Variants in CSMD1 observed in about 807,000 individuals in gnomAD.
CSMD1 encodes CUB and Sushi multiple domains 1.
In CSMD1, 213 loss-of-function variants were observed where a neutral mutation model predicts 417.5. The observed-to-expected ratio is 0.51, with a 90% CI of 0.46 to 0.57. The LOEUF (loss-of-function observed/expected upper bound fraction) is 0.57. Among genes scored for constraint, CSMD1 ranks in the 20% least tolerant of loss-of-function variants. The probability of loss-of-function intolerance (pLI) is 0.00; values close to 1 mark genes in which losing one functional copy is unlikely to be tolerated. For synonymous variants in CSMD1, 2,862 were observed against 1,736.8 expected, an observed-to-expected ratio of 1.65 and a Z score of -16.11; for missense variants, 6,923 against 4,529.7, an observed-to-expected ratio of 1.53 and a Z score of -15.17.
intron 5 of CSMD1, among the ~76,000 whole-genome samples, chr8:3,961,614 T>C (rs755565265): frequency 2.0e-5 from 3 of 152,194 alleles, no homozygotes; most frequent in Non-Finnish European, 2.9e-5. Flanking sequence ...CAGGCACCAT[T>C]TGTAACACAA....
intron 2 of CSMD1, among the ~76,000 whole-genome samples, chr8:4,614,640 C>T (rs1302411838): frequency 6.6e-6 from 1 of 152,098 alleles, no homozygotes; most frequent in Admixed American, 6.6e-5. Context: ...CACGTACACA[C>T]ACATACAAAC....
At chr8:4,352,846 C>T (rs1176342862) in intron 3 of CSMD1, among the ~76,000 whole-genome samples, 1 of 152,122 alleles carries the variant, frequency 6.6e-6, no homozygotes, top group Non-Finnish European at 1.5e-5. Flanking sequence ...CAAGATTGGA[C>T]CTGTTTCTCT....
At chr8:3,528,576 A>G (rs532918844) in intron 10 of CSMD1, among the ~76,000 whole-genome samples, 1 of 152,364 alleles carries the variant, frequency 6.6e-6, no homozygotes, top group South Asian at 2.1e-4. Flanking sequence ...TTGGTTCAGT[A>G]AACTGTATAC....
chr8:3,794,980 T>C (rs1003152147), intron 5 of CSMD1, among the ~76,000 whole-genome samples: 5 of 124,798 alleles, frequency 4.0e-5, no homozygotes, highest in Admixed American at 8.5e-5. Context: ...GCTATAGATA[T>C]ATATCTATCT....
At chr8:4,304,496 C>T (rs867000071) in intron 3 of CSMD1, among the ~76,000 whole-genome samples, 1 of 152,140 alleles carries the variant, frequency 6.6e-6, no homozygotes, top group Non-Finnish European at 1.5e-5. Context: ...CTGACACAAA[C>T]GTAAGCCTTA....
At chr8:3,743,458 A>G (rs961668016) in intron 6 of CSMD1, among the ~76,000 whole-genome samples, 2 of 152,238 alleles carry the variant, frequency 1.3e-5, no homozygotes. Flanking sequence ...AGACTTCTGA[A>G]TAAGTAATTG....
chr8:4,826,697 C>A (rs1341257258), intron 1 of CSMD1, among the ~76,000 whole-genome samples: 1 of 152,094 alleles, frequency 6.6e-6, no homozygotes, highest in Admixed American at 6.6e-5. Flanking sequence ...AGCTCCTTTC[C>A]CTGCGCTCTG....
At chr8:3,134,686 T>G (rs928050995) in intron 41 of CSMD1, among the ~76,000 whole-genome samples, 3 of 152,316 alleles carry the variant, frequency 2.0e-5, no homozygotes, top group African/African-American at 7.2e-5. Flanking sequence ...TCCAAAGACT[T>G]CATTTCCCTT....
chr8:3,388,753 C>T (rs5026899), intron 17 of CSMD1, among the ~76,000 whole-genome samples: 65,089 of 152,080 alleles, frequency 0.43, 14,175 homozygotes, highest in Middle Eastern at 0.48. Context: ...CTTGCTGCTG[C>T]GCAGTATGGC....
At chr8:3,872,410 C>T (rs1204982322) in intron 5 of CSMD1, among the ~76,000 whole-genome samples, 1 of 152,128 alleles carries the variant, frequency 6.6e-6, no homozygotes, top group Non-Finnish European at 1.5e-5. Flanking sequence ...TTACTACCTT[C>T]CTGAAGTGTC....
chr8:4,851,234 G>T (rs963592300), intron 1 of CSMD1, among the ~76,000 whole-genome samples: 11 of 151,726 alleles, frequency 7.2e-5, no homozygotes, highest in Admixed American at 7.2e-4. Context: ...TGCTGAGAAT[G>T]ATGGTTTCCA....
intron 2 of CSMD1, among the ~76,000 whole-genome samples, chr8:4,448,056 A>ACC (rs1317463870): frequency 6.6e-6 from 1 of 152,054 alleles, no homozygotes; most frequent in African/African-American, 2.4e-5. Flanking sequence ...CTGGAATATC[A>ACC]CCCCTAAGCT....
At chr8:3,546,569 AC>A (rs1798674085) in intron 10 of CSMD1, among the ~76,000 whole-genome samples, 1 of 152,048 alleles carries the variant, frequency 6.6e-6, no homozygotes, top group African/African-American at 2.4e-5. Flanking sequence ...CTGTCACCAT[AC>A]ATTGTTCTCC....
intron 1 of CSMD1, among the ~76,000 whole-genome samples, chr8:4,949,792 C>T (rs1327811814): frequency 3.3e-5 from 5 of 152,082 alleles, no homozygotes; most frequent in African/African-American, 1.2e-4. Flanking sequence ...ATTTCCTAAA[C>T]ATGTACTCGA....
At chr8:3,277,316 C>T (rs1283445144) in intron 26 of CSMD1, among the ~76,000 whole-genome samples, 3 of 152,094 alleles carry the variant, frequency 2.0e-5, no homozygotes, top group African/African-American at 4.8e-5. Context: ...GCCCACGTTG[C>T]TGCGGAAAAG....
chr8:4,567,235 G>C (rs924210616), intron 2 of CSMD1, among the ~76,000 whole-genome samples: 2 of 152,108 alleles, frequency 1.3e-5, no homozygotes, highest in African/African-American at 4.8e-5. Context: ...GAATATAAGT[G>C]AGTGAATGAA....
rs146215287 is a variant in CSMD1, at chr8:3,501,494, T to C, written c.1345-7768A>G. 5.1e-3 allele frequency among the ~76,000 whole-genome samples: 777 copies of C among 152,306 alleles called. 9 individuals are homozygous for C. Among genetic ancestry groups the C allele is most frequent in the African/African-American group, 0.018 (747 of 41,548 alleles). ...GAACTGACAGCACAATATAAATCAG[T>C]ACCAAGACCCTACATCTTGGAATAA... On this transcript the variant is annotated intron_variant, in intron 10 of 69. Transcript: ENST00000635120.
At chr8:4,280,453 C>G (rs1315971473) in intron 3 of CSMD1, among the ~76,000 whole-genome samples, 2 of 152,186 alleles carry the variant, frequency 1.3e-5, no homozygotes, top group African/African-American at 4.8e-5. Context: ...CCAATCTGAG[C>G]ACTTGCATAC....
chr8:3,292,641 G>C (rs1366893279), intron 25 of CSMD1, among the ~76,000 whole-genome samples: 1 of 152,058 alleles, frequency 6.6e-6, no homozygotes, highest in Non-Finnish European at 1.5e-5. Context: ...CAGAGACTAG[G>C]ATGGCAACCC....
Sources: gnomAD v4.1 joint callset for allele counts (sites outside exome capture counted in the v4.1 genomes callset) on GRCh38, gnomAD v4.1.1 for gene constraint, MANE v1.5 for transcripts, NCBI Gene and HGNC (gene_info 2026-07-23, HGNC 2026-07-21) for gene names.